The following GSK3B variants were observed in gnomAD, a reference collection of about 807,000 sequenced individuals.
GSK3B encodes the protein glycogen synthase kinase 3 beta.
Under a neutral mutation model 56.4 loss-of-function variants are expected in GSK3B, and 15 were observed. The observed-to-expected ratio is 0.27, with a 90% CI of 0.18 to 0.41. The LOEUF (loss-of-function observed/expected upper bound fraction) is 0.41. Ranked by LOEUF, GSK3B falls within the 10% of genes least tolerant of loss-of-function variation. The probability of loss-of-function intolerance (pLI) is 1.00; values close to 1 mark genes in which losing one functional copy is unlikely to be tolerated. For missense variants in GSK3B, 300 were observed against 513.4 expected (o/e 0.58, Z 4.02); for synonymous variants, 181 against 188.9 (o/e 0.96, Z 0.34).
In GSK3B at chr3:119,826,391, G is replaced by C. The variant is rs2055505733; in HGVS notation, c.*397C>G. The C allele has an allele frequency of 2.4e-6, 1 of 417,328 alleles. No individual in the cohort carries two copies. The highest frequency in any genetic ancestry group is 4.0e-5 in the Admixed American group (1 of 25,268). The allele number at this position is 417,328 out of a possible 1,614,324, so 25.9% of individuals were successfully genotyped here. ...ACACTAGACTTTAAAAGAAAACAAAGTTCAAAAAAACCCATCAGCACAGAA... is the reference window on the plus strand; with the variant it reads ...ACACTAGACTTTAAAAGAAAACAAACTTCAAAAAAACCCATCAGCACAGAA... On this transcript the variant is annotated 3_prime_UTR_variant, in exon 11 of 11. Coordinates refer to ENST00000264235, the MANE Select transcript of GSK3B (RefSeq NM_001146156.2).
At chr3:119,917,432 A>G (rs1368950633) in intron 4 of GSK3B, among the ~76,000 whole-genome samples, 1 of 152,180 alleles carries the variant, frequency 6.6e-6, no homozygotes, top group East Asian at 1.9e-4. Flanking sequence ...GCATTTAGGT[A>G]TCCATGTAAC....
chr3:119,943,430 T>C (rs1356604989), intron 3 of GSK3B, among the ~76,000 whole-genome samples: 1 of 152,126 alleles, frequency 6.6e-6, no homozygotes, highest in African/African-American at 2.4e-5. Flanking sequence ...GAGAAAAAAA[T>C]CTTTATGAGA....
intron 8 of GSK3B, among the ~76,000 whole-genome samples, chr3:119,867,072 G>A (rs986953740): frequency 2.0e-5 from 3 of 152,102 alleles, no homozygotes; most frequent in African/African-American, 7.2e-5. Context: ...AAAGTTTCAA[G>A]TTCCCAATAT....
chr3:120,037,417 G>C (rs973719654), intron 1 of GSK3B, among the ~76,000 whole-genome samples: 4 of 152,146 alleles, frequency 2.6e-5, no homozygotes, highest in Non-Finnish European at 4.4e-5. Flanking sequence ...AATGGTGACA[G>C]ACTGAAAAAC....
chr3:120,018,326 C>T (rs2057844100), intron 1 of GSK3B, among the ~76,000 whole-genome samples: 2 of 152,178 alleles, frequency 1.3e-5, no homozygotes, highest in African/African-American at 4.8e-5. Flanking sequence ...GTAAAACCCA[C>T]ATATACAGAG....
chr3:119,858,888 G>C (rs1379517717), intron 9 of GSK3B, among the ~76,000 whole-genome samples: 2 of 152,088 alleles, frequency 1.3e-5, no homozygotes, highest in African/African-American at 4.8e-5. Flanking sequence ...AAGAGGGAGA[G>C]AGATGGGGAT....
chr3:119,998,710 T>C (rs1224710389), intron 2 of GSK3B, among the ~76,000 whole-genome samples: 5 of 152,158 alleles, frequency 3.3e-5, no homozygotes, highest in Non-Finnish European at 5.9e-5. Flanking sequence ...CCCACCACTT[T>C]AGGAAGCCAA....
intron 2 of GSK3B, among the ~76,000 whole-genome samples, chr3:120,001,409 C>T (rs2057675828): frequency 6.6e-6 from 1 of 152,070 alleles, no homozygotes; most frequent in Non-Finnish European, 1.5e-5. Context: ...AAGTCTGGAT[C>T]TCCCCCTTCA....
At chr3:119,967,429 T>C (rs555286520) in intron 2 of GSK3B, among the ~76,000 whole-genome samples, 7 of 152,178 alleles carry the variant, frequency 4.6e-5, no homozygotes, top group Non-Finnish European at 7.3e-5. Context: ...AAAATTCATA[T>C]GGAAATTTGT....
chr3:119,909,756 C>T (rs1210954144), intron 6 of GSK3B, among the ~76,000 whole-genome samples: 1 of 152,126 alleles, frequency 6.6e-6, no homozygotes, highest in African/African-American at 2.4e-5. Flanking sequence ...TATTCAGTTC[C>T]TCCTATCACT....
chr3:119,892,333 T>G (rs1464253925), intron 7 of GSK3B, among the ~76,000 whole-genome samples: 1 of 152,172 alleles, frequency 6.6e-6, no homozygotes, highest in Non-Finnish European at 1.5e-5. Context: ...AGGCAGAACC[T>G]TAAGCGACAA....
intron 3 of GSK3B, among the ~76,000 whole-genome samples, chr3:119,928,066 T>C (rs2056905259): frequency 6.6e-6 from 1 of 152,184 alleles, no homozygotes; most frequent in South Asian, 2.1e-4. Context: ...ATGGTGCCAG[T>C]AGCAATCAAG....
At chr3:120,051,505 G>A (rs912206501) in intron 1 of GSK3B, among the ~76,000 whole-genome samples, 2 of 152,122 alleles carry the variant, frequency 1.3e-5, no homozygotes, top group African/African-American at 4.8e-5. Flanking sequence ...GGTGGCTCAC[G>A]CCTGCAATCC....
chr3:120,073,659 G>A (rs532298741), intron 1 of GSK3B, among the ~76,000 whole-genome samples: 7 of 152,108 alleles, frequency 4.6e-5, no homozygotes, highest in African/African-American at 7.2e-5. Flanking sequence ...TTCCAATTTC[G>A]GGCAATTATC....
chr3:120,068,508 C>G (rs1162119011), intron 1 of GSK3B, among the ~76,000 whole-genome samples: 1 of 151,882 alleles, frequency 6.6e-6, no homozygotes, highest in Non-Finnish European at 1.5e-5. Flanking sequence ...CAAGACCCGC[C>G]TGGGCAACAT....
chr3:120,028,375 T>G (rs1453372954), intron 1 of GSK3B, among the ~76,000 whole-genome samples: 1 of 152,138 alleles, frequency 6.6e-6, no homozygotes, highest in Non-Finnish European at 1.5e-5. Context: ...GAGAAACTAG[T>G]CCTTTACCCA....
intron 7 of GSK3B, among the ~76,000 whole-genome samples, chr3:119,890,357 T>C (rs1247404093): frequency 2.0e-5 from 3 of 152,048 alleles, no homozygotes; most frequent in Non-Finnish European, 4.4e-5. Flanking sequence ...CTCAAAAACA[T>C]GGTACTGAGC....
intron 8 of GSK3B, among the ~76,000 whole-genome samples, chr3:119,865,466 ATTTTT>A (rs779477802): frequency 0.011 from 363 of 33,816 alleles, 3 homozygotes; most frequent in African/African-American, 0.029. Context: ...ATATATATAT[ATTTTT>A]TTTTTTTTTT....
chr3:119,976,075 T>G (rs2057406093), intron 2 of GSK3B, among the ~76,000 whole-genome samples: 1 of 152,182 alleles, frequency 6.6e-6, no homozygotes, highest in South Asian at 2.1e-4. Flanking sequence ...ACAAGTGCTA[T>G]CAAAGTTGCA....
Sources: allele counts gnomAD v4.1 joint callset (sites outside exome capture counted in the v4.1 genomes callset), GRCh38; gene constraint gnomAD v4.1.1; transcripts MANE v1.5; gene names NCBI Gene and HGNC (gene_info 2026-07-23, HGNC 2026-07-21).